Variants in CDS2 observed in about 807,000 individuals in gnomAD.
The protein encoded by CDS2 is phosphatidate cytidylyltransferase 2.
A neutral mutation model predicts 59.0 loss-of-function variants in CDS2; 47 were observed. The ratio of observed to expected loss-of-function variants is 0.80; its 90% CI spans 0.63 to 1.02. The LOEUF (loss-of-function observed/expected upper bound fraction) is 1.02, where lower values mean the gene tolerates loss of function less well. Ranked by LOEUF, CDS2 falls within the 50% of genes least tolerant of loss-of-function variation. CDS2 has a pLI of 0.00. For synonymous variants in CDS2, 207 were observed against 206.4 expected (o/e 1.00, Z -0.02); for missense variants, 356 against 558.9 (o/e 0.64, Z 3.66).
chr20:5,180,301 CTTTT>C (rs76475408), intron 5 of CDS2, among the ~76,000 whole-genome samples: 2 of 140,204 alleles, frequency 1.4e-5, no homozygotes, highest in Admixed American at 1.4e-4. Context: ...TATTGGCAAA[CTTTT>C]TTTTTTTTTT....
chr20:5,167,560 A>G (rs957605407), intron 1 of CDS2, among the ~76,000 whole-genome samples: 1 of 152,176 alleles, frequency 6.6e-6, no homozygotes, highest in African/African-American at 2.4e-5. Context: ...GTATATATGT[A>G]TATTTTTTTT....
intron 1 of CDS2, among the ~76,000 whole-genome samples, chr20:5,145,610 C>T (rs1426953653): frequency 6.6e-6 from 1 of 152,038 alleles, no homozygotes; most frequent in Non-Finnish European, 1.5e-5. Context: ...TTTGTTTCAT[C>T]CATCTTAGCT....
chr20:5,168,579 G>A (rs762364739), intron 1 of CDS2: 1 of 518,168 alleles, frequency 1.9e-6, no homozygotes, highest in South Asian at 1.4e-5. Flanking sequence ...TACTTTGGGT[G>A]TCAGAGTCTT....
intron 1 of CDS2, among the ~76,000 whole-genome samples, chr20:5,138,806 G>C (rs1478027803): frequency 1.3e-5 from 2 of 151,910 alleles, no homozygotes; most frequent in Non-Finnish European, 2.9e-5. Context: ...GGGAGGTGGA[G>C]GTTGCAGTGA....
rs2091133271 is a variant in CDS2, at chr20:5,193,399, T to A, written c.*3165T>A. The A allele has an allele frequency of 6.6e-6, 1 of 152,266 alleles. No homozygotes were observed. The highest frequency in any genetic ancestry group is 1.5e-5 in the Non-Finnish European group (1 of 68,050). The allele number at this position is 152,266 out of a possible 1,614,324, so 9.4% of individuals were successfully genotyped here. A position where few individuals can be genotyped will look rare whatever the true frequency, so the allele number is the denominator to read the frequency against. Reference sequence around the variant, plus strand: ...TCTTTCATTGGGGAGGATACAACTTTTGACTTTACACAGGTGGACTTTGAA... The same window carrying A: ...TCTTTCATTGGGGAGGATACAACTTATGACTTTACACAGGTGGACTTTGAA... On this transcript the variant is annotated 3_prime_UTR_variant, in exon 13 of 13. Transcript: ENST00000460006.
intron 1 of CDS2, among the ~76,000 whole-genome samples, chr20:5,141,246 A>G (rs910628348): frequency 6.6e-6 from 1 of 152,278 alleles, no homozygotes; most frequent in African/African-American, 2.4e-5. Flanking sequence ...GCTAAGAAGA[A>G]TCTGAACAGA....
intron 1 of CDS2, among the ~76,000 whole-genome samples, chr20:5,169,324 G>C (rs933511896): frequency 6.6e-6 from 1 of 152,242 alleles, no homozygotes; most frequent in African/African-American, 2.4e-5. Flanking sequence ...GCTGGTCTCA[G>C]TACCCACCAG....
chr20:5,148,454 G>A (rs1568531611), intron 1 of CDS2, among the ~76,000 whole-genome samples: 1 of 152,186 alleles, frequency 6.6e-6, no homozygotes, highest in Non-Finnish European at 1.5e-5. Flanking sequence ...ATAGGTCTAG[G>A]CCATCTGTTT....
At chr20:5,151,750 C>CTTTCTTTTT (rs2090791804) in intron 1 of CDS2, among the ~76,000 whole-genome samples, 6 of 53,182 alleles carry the variant, frequency 1.1e-4, no homozygotes, top group Non-Finnish European at 4.4e-5. Context: ...GACTCCATGT[C>CTTTCTTTTT]TTTTTTTTTT....
At chr20:5,173,098 C>T (rs1027911107) in intron 1 of CDS2, among the ~76,000 whole-genome samples, 6 of 152,342 alleles carry the variant, frequency 3.9e-5, no homozygotes, top group African/African-American at 1.4e-4. Flanking sequence ...TTGACATTAA[C>T]AGGTCTACAG....
At chr20:5,159,603 G>T (rs1600490858) in intron 1 of CDS2, among the ~76,000 whole-genome samples, 1 of 152,086 alleles carries the variant, frequency 6.6e-6, no homozygotes, top group African/African-American at 2.4e-5. Flanking sequence ...TTAGCAAGAT[G>T]TCAAAGGAAT....
At chr20:5,163,142 G>A (rs1249131371) in intron 1 of CDS2, among the ~76,000 whole-genome samples, 1 of 152,226 alleles carries the variant, frequency 6.6e-6, no homozygotes, top group Non-Finnish European at 1.5e-5. Flanking sequence ...CCAGAAGTTC[G>A]AGACCAGCCT....
At chr20:5,187,018 A>G (rs2091074520) in intron 10 of CDS2, 179 bp downstream of exon 10, 2 of 544,054 alleles carry the variant, frequency 3.7e-6, no homozygotes, top group Non-Finnish European at 3.2e-6. Context: ...CTTTCCCCCA[A>G]CATCAGATTG....
chr20:5,173,533 C>T lies in CDS2; in HGVS notation c.68C>T (p.Ser23Leu), dbSNP rs758083846. ...ATTTCTGCCACTTAGGAGTCAGAGTCAGAAGCAAAGGTAGATGGAGAGACT... is the reference window on the plus strand; with the variant it reads ...ATTTCTGCCACTTAGGAGTCAGAGTTAGAAGCAAAGGTAGATGGAGAGACT... ...VAPPEDKESE[S>L]EAKVDGETAS... The change falls in exon 2 of 13, where the codon TCA becomes TTA. Residue 23 changes from serine (S) to leucine (L), a missense_variant. Physicochemically the swap from Ser to Leu is moderately radical, Grantham distance 145. Around this residue, in one of 5 missense-constraint regions of CDS2, gnomAD observed 107 missense variants for 129.7 expected, o/e 0.82. Transcript: ENST00000460006. 6.2e-7 allele frequency: 1 copy of T among 1,614,148 alleles called. No homozygotes were observed.
chr20:5,173,710 C>G (rs1376650883), intron 2 of CDS2, 51 bp downstream of exon 2: 4 of 1,605,608 alleles, frequency 2.5e-6, no homozygotes, highest in Non-Finnish European at 3.4e-6. Context: ...GCACCATGTC[C>G]AAGTGCCCTG....
chr20:5,143,689 A>G (rs904888118), intron 1 of CDS2, among the ~76,000 whole-genome samples: 1 of 137,514 alleles, frequency 7.3e-6, no homozygotes, highest in Non-Finnish European at 1.5e-5. Flanking sequence ...AGTGCTGTGA[A>G]TAATGCTGCT....
intron 1 of CDS2, among the ~76,000 whole-genome samples, chr20:5,170,155 A>G (rs2082282480): frequency 6.6e-6 from 1 of 152,078 alleles, no homozygotes. Context: ...GCTGTGTGTC[A>G]TGAGTGTCAG....
intron 1 of CDS2, among the ~76,000 whole-genome samples, chr20:5,158,123 T>C (rs1414588424): frequency 1.3e-5 from 2 of 151,826 alleles, no homozygotes; most frequent in Non-Finnish European, 2.9e-5. Flanking sequence ...CTTCTTCCAG[T>C]GTGGGCCAGG....
At chr20:5,133,967 A>G (rs1461257968) in intron 1 of CDS2, among the ~76,000 whole-genome samples, 2 of 152,248 alleles carry the variant, frequency 1.3e-5, no homozygotes, top group African/African-American at 4.8e-5. Flanking sequence ...TGGCTACAAA[A>G]TCAAAAAAAT....
Sources: gnomAD v4.1 joint callset for allele counts (sites outside exome capture counted in the v4.1 genomes callset) on GRCh38, gnomAD v4.1.1 for gene constraint, gnomAD v4.1.1 regional missense constraint, MANE v1.5 for transcripts, NCBI Gene and HGNC (gene_info 2026-07-23, HGNC 2026-07-21) for gene names.